SLC12A9: variants seen among roughly 807,000 people sequenced by gnomAD.
SLC12A9 encodes the protein CCC-interacting protein 1.
Under a neutral mutation model 66.0 loss-of-function variants are expected in SLC12A9, and 55 were observed. The observed-to-expected ratio is 0.83, with a 90% CI of 0.67 to 1.04. The LOEUF is 1.04. Among genes scored for constraint, SLC12A9 ranks in the 50% least tolerant of loss-of-function variants. The pLI is 0.00. For missense variants in SLC12A9, 1,061 were observed against 1,241.9 expected (o/e 0.85, Z 2.19); for synonymous variants, 577 against 569.0 (o/e 1.01, Z -0.20).
intron 9 of SLC12A9, 66 bp downstream of exon 9, chr7:100,860,298 A>G: frequency 6.5e-7 from 1 of 1,529,262 alleles, no homozygotes; most frequent in Non-Finnish European, 9.0e-7. Flanking sequence ...GGGTGCAGTT[A>G]GATGCAGGCT....
intron 1 of SLC12A9, among the ~76,000 whole-genome samples, chr7:100,828,013 G>T (rs1211667900): frequency 6.6e-6 from 1 of 152,128 alleles, no homozygotes; most frequent in Non-Finnish European, 1.5e-5. Flanking sequence ...CGTTTTGGGG[G>T]AAAAGGAAGG....
chr7:100,837,750 T>C (rs1385815986), intron 1 of SLC12A9, among the ~76,000 whole-genome samples: 1 of 152,216 alleles, frequency 6.6e-6, no homozygotes, highest in African/African-American at 2.4e-5. Flanking sequence ...CCTCGAACTC[T>C]TGACCTCAAG....
intron 1 of SLC12A9, among the ~76,000 whole-genome samples, chr7:100,838,507 G>A (rs1813713567): frequency 6.6e-6 from 1 of 152,082 alleles, no homozygotes; most frequent in Non-Finnish European, 1.5e-5. Context: ...TCTGAGCAGA[G>A]GAGATACTAT....
At chr7:100,835,645 G>A (rs576231611) in intron 1 of SLC12A9, among the ~76,000 whole-genome samples, 38 of 150,832 alleles carry the variant, frequency 2.5e-4, no homozygotes, top group Non-Finnish European at 4.6e-4. Flanking sequence ...GCAAGACTCC[G>A]TCTCAAAAAA....
intron 1 of SLC12A9, among the ~76,000 whole-genome samples, chr7:100,839,049 C>T (rs1296088334): frequency 5.9e-5 from 9 of 152,010 alleles, no homozygotes; most frequent in Non-Finnish European, 8.8e-5. Context: ...AATTGCCGGG[C>T]GCGGTGGCTC....
At chr7:100,842,332 G>T (rs1438723171) in intron 1 of SLC12A9, among the ~76,000 whole-genome samples, 3 of 152,040 alleles carry the variant, frequency 2.0e-5, no homozygotes, top group African/African-American at 7.3e-5. Flanking sequence ...TCAAACTATT[G>T]CATTTAATGA....
At chr7:100,836,086 G>GC (rs939198522) in intron 1 of SLC12A9, among the ~76,000 whole-genome samples, 1 of 152,152 alleles carries the variant, frequency 6.6e-6, no homozygotes, top group Non-Finnish European at 1.5e-5. Flanking sequence ...ATGAGGCCAA[G>GC]CCCCCCCATG....
At chr7:100,835,913 A>G (rs1207388607) in intron 1 of SLC12A9, among the ~76,000 whole-genome samples, 1 of 152,168 alleles carries the variant, frequency 6.6e-6, no homozygotes, top group Non-Finnish European at 1.5e-5. Context: ...GGTGGAGGAG[A>G]GAGAGGCTAA....
chr7:100,826,895 C>T, exon 1 of SLC12A9: 1 of 1,472,276 alleles, frequency 6.8e-7, no homozygotes, highest in Non-Finnish European at 9.2e-7. Context: ...TAGTCAGAGG[C>T]CGGCCCCTCC....
chr7:100,840,155 G>A (rs1159741842), intron 1 of SLC12A9, among the ~76,000 whole-genome samples: 1 of 152,158 alleles, frequency 6.6e-6, no homozygotes, highest in Non-Finnish European at 1.5e-5. Context: ...CTGCGAAAGT[G>A]TGTGTGTGCC....
chr7:100,848,170 C>T (rs1041110832), upstream of SLC12A9, among the ~76,000 whole-genome samples: 4 of 150,012 alleles, frequency 2.7e-5, no homozygotes, highest in Non-Finnish European at 5.9e-5. Context: ...GAGGTCTGGG[C>T]TAGAGGTACA....
intron 1 of SLC12A9, among the ~76,000 whole-genome samples, chr7:100,828,093 T>G (rs1813463844): frequency 6.6e-6 from 1 of 152,190 alleles, no homozygotes; most frequent in African/African-American, 2.4e-5. Context: ...CCAGTTTGGA[T>G]AGCCTTGCAG....
Position 100,866,275 on chromosome 7 carries a change from G to C in SLC12A9, c.2415G>C (p.Glu805Asp). The change falls in exon 14 of 14, where the codon GAG (glutamate) becomes GAC (aspartate). Residue 805 changes from glutamate (E) to aspartate (D), a missense_variant. By Grantham distance (45) the Glu-to-Asp change is conservative. Coordinates refer to ENST00000354161, the MANE Select transcript of SLC12A9 (RefSeq NM_020246.4). This position sits in a 1 kb window ranked among gnomAD's most constrained non-coding sequence, Gnocchi z 7.3. The part of the protein sequence containing the change: ...RAEVQEVVWG[E>D]GAGAGEPEAE... Reference sequence around the variant, plus strand: ...AGGTGCAGGAGGTGGTGTGGGGCGAGGGGGCCGGGGCTGGGGAACCCGAGG... The same window carrying C: ...AGGTGCAGGAGGTGGTGTGGGGCGACGGGGCCGGGGCTGGGGAACCCGAGG... 1 of 1,545,944 alleles carries C rather than the reference G, an allele frequency of 6.5e-7. No individual in the cohort carries two copies. Among genetic ancestry groups the C allele is most frequent in the South Asian group, 1.2e-5 (1 of 84,004 alleles).
Position 100,856,743 on chromosome 7 carries a change from C to G in SLC12A9, c.449-125C>G, listed in dbSNP as rs1814408805. ...CCCAGGTTAGTTTTAAACTCCTGGA[C>G]TCAAGCAATCCTCCCACCTCGGCCT... On this transcript the variant is annotated intron_variant, in intron 4 of 13. Coordinates refer to ENST00000354161, the MANE Select transcript of SLC12A9 (RefSeq NM_020246.4). The G allele has an allele frequency of 6.1e-6, 6 of 980,686 alleles. No homozygotes were observed. In the South Asian group the frequency reaches 8.1e-5, roughly 13 times the overall value. The allele number at this position is 980,686 out of a possible 1,614,324, so 60.7% of individuals were successfully genotyped here. A position where few individuals can be genotyped will look rare whatever the true frequency, so the allele number is the denominator to read the frequency against.
chr7:100,854,148 C>T lies in SLC12A9; in HGVS notation c.-42-8C>T, dbSNP rs1814240181. ...GGAGCTTTTGATGCAACATAATCTC[C>T]TTTGCAGGTCACCTAACCCATTTGT... On this transcript the variant is annotated splice_region_variant and splice_polypyrimidine_tract_variant and intron_variant, in intron 1 of 13. Coordinates refer to ENST00000354161, the MANE Select transcript of SLC12A9 (RefSeq NM_020246.4). 1.3e-6 allele frequency: 2 copies of T among 1,496,820 alleles called. No homozygotes were observed. 92.7% of individuals were successfully genotyped at this position (1,496,820 alleles called of 1,614,324 possible).
chr7:100,829,516 G>C (rs911787264), intron 1 of SLC12A9, among the ~76,000 whole-genome samples: 2 of 152,120 alleles, frequency 1.3e-5, no homozygotes, highest in South Asian at 2.1e-4. Context: ...CCCGGGTTGG[G>C]GGGGGTGGGC....
intron 12 of SLC12A9, 58 bp from the exon 13 acceptor site, chr7:100,862,623 T>C: frequency 1.9e-6 from 3 of 1,602,248 alleles, no homozygotes; most frequent in East Asian, 4.5e-5. Context: ...ATTTGGACTC[T>C]AGGAGACATT....
intron 1 of SLC12A9, among the ~76,000 whole-genome samples, chr7:100,835,499 A>T (rs1258254707): frequency 6.7e-6 from 1 of 150,168 alleles, no homozygotes; most frequent in African/African-American, 2.5e-5. Flanking sequence ...AAAATACAAA[A>T]ATTAGCTGGG....
At chr7:100,859,201 T>C (rs376481396) in intron 7 of SLC12A9, 40 bp downstream of exon 7, 93 of 1,577,334 alleles carry the variant, frequency 5.9e-5, no homozygotes, top group Non-Finnish European at 7.5e-5. Context: ...CGAACAAGAT[T>C]GGTGCACCTG....
Sources: allele counts gnomAD v4.1 joint callset (sites outside exome capture counted in the v4.1 genomes callset), GRCh38; gene constraint gnomAD v4.1.1; non-coding constraint Gnocchi (gnomAD v3.1); transcripts MANE v1.5; gene names NCBI Gene and HGNC (gene_info 2026-07-23, HGNC 2026-07-21).